MYCBP2: variants seen among roughly 807,000 people sequenced by gnomAD.
MYCBP2 encodes MYC binding protein 2, also known as E3 ubiquitin-protein ligase MYCBP2.
MYCBP2 carries 120 observed loss-of-function variants against 525.3 expected under a neutral mutation model. The ratio of observed to expected loss-of-function variants is 0.23; its 90% CI spans 0.20 to 0.27. The LOEUF is 0.27. MYCBP2 is among the 10% of genes least tolerant of loss of function. The pLI is 1.00. For missense variants in MYCBP2, 4,149 were observed against 5,657.1 expected, an observed-to-expected ratio of 0.73 and a Z score of 8.55; for synonymous variants, 1,894 against 1,955.8, an observed-to-expected ratio of 0.97 and a Z score of 0.83.
chr13:77,095,679 G>T, intron 57 of MYCBP2, 77 bp from the exon 58 acceptor site: 1 of 1,493,198 alleles, frequency 6.7e-7, no homozygotes, highest in Non-Finnish European at 9.0e-7. Context: ...AGTATTTTGA[G>T]TTTCCAATAA....
At chr13:77,128,162 T>C (rs761036521) in intron 52 of MYCBP2, among the ~76,000 whole-genome samples, 2 of 151,860 alleles carry the variant, frequency 1.3e-5, no homozygotes, top group African/African-American at 4.8e-5. Context: ...AAGATAAAAA[T>C]TGAGAGTAAC....
At chr13:77,075,949 G>A (rs2042219099) in intron 68 of MYCBP2, 1 of 152,178 alleles carries the variant, frequency 6.6e-6, no homozygotes. Flanking sequence ...CACAGGGTGA[G>A]ACAAGGGAAA....
chr13:77,304,423 A>C (rs2079149288), intron 1 of MYCBP2, among the ~76,000 whole-genome samples: 1 of 152,224 alleles, frequency 6.6e-6, no homozygotes, highest in Admixed American at 6.5e-5. Context: ...GGAAGCTAAA[A>C]AAGTTGATCT....
chr13:77,114,289 T>C (rs1484386803), intron 55 of MYCBP2, among the ~76,000 whole-genome samples: 1 of 152,134 alleles, frequency 6.6e-6, no homozygotes, highest in African/African-American at 2.4e-5. Context: ...AGAAGGACTT[T>C]TTCTATATTT....
At chr13:77,248,861 A>G (rs960912238) in intron 15 of MYCBP2, among the ~76,000 whole-genome samples, 4 of 152,236 alleles carry the variant, frequency 2.6e-5, no homozygotes, top group Non-Finnish European at 2.9e-5. Context: ...GGAAGCAACC[A>G]AAGTGTTCAT....
intron 1 of MYCBP2, among the ~76,000 whole-genome samples, chr13:77,320,775 G>C (rs1383625700): frequency 6.6e-6 from 1 of 152,058 alleles, no homozygotes; most frequent in Non-Finnish European, 1.5e-5. Flanking sequence ...CAATATTCTT[G>C]CTAAAAAATT....
At position 77,051,055 on chromosome 13, in the gene MYCBP2, A is replaced by G. The variant is rs1170223062; in HGVS notation, c.13863T>C (p.His4621=). The change falls in exon 82 of 83, where the codon CAT becomes CAC. Residue 4621 remains histidine (H), a synonymous_variant. Coordinates refer to ENST00000544440, the MANE Select transcript of MYCBP2 (RefSeq NM_015057.5). ...FGTTHFCNAC[H]DDFQRMTSIP... is the part of the protein sequence containing the mutation. Reference sequence around the variant, plus strand: ...TGCTAGTCATTCTTTGAAAATCATCATGACAAGCATTACAAAAATGTGTTG... The same window carrying G: ...TGCTAGTCATTCTTTGAAAATCATCGTGACAAGCATTACAAAAATGTGTTG... 3.7e-6 allele frequency: 6 copies of G among 1,613,704 alleles called. No individual in the cohort carries two copies. The highest frequency in any genetic ancestry group is 5.1e-6 in the Non-Finnish European group (6 of 1,179,904).
intron 1 of MYCBP2, among the ~76,000 whole-genome samples, chr13:77,305,419 T>A (rs1460363182): frequency 1.3e-5 from 2 of 152,018 alleles, no homozygotes; most frequent in Non-Finnish European, 2.9e-5. Context: ...TTATGCTAAG[T>A]GAAAGAAACA....
At chr13:77,053,057 G>A (rs2154057870) in intron 80 of MYCBP2, among the ~76,000 whole-genome samples, 1 of 152,038 alleles carries the variant, frequency 6.6e-6, no homozygotes, top group Middle Eastern at 3.4e-3. Context: ...AGGCTTGTTT[G>A]AGCCCAGGAG....
Position 77,185,889 on chromosome 13 carries a change from C to T in MYCBP2, c.4426G>A (p.Glu1476Lys). 6.3e-7 allele frequency: 1 copy of T among 1,586,034 alleles called. No homozygotes were observed. The highest frequency in any genetic ancestry group is 8.5e-7 in the Non-Finnish European group (1 of 1,170,830). The change falls in exon 31 of 83, where the codon GAA becomes AAA. Residue 1476 changes from glutamate to lysine, a missense_variant. Physicochemically the swap from Glu to Lys is moderately conservative, Grantham distance 56. Transcript: ENST00000544440. ...CLRLLRVYTC[E>K]IYPVSATGKA... ...ATCATACCTGACACTGGGTAAATTT[C>T]ACAGGTATAGACACGCAATAACCTC...
intron 47 of MYCBP2, among the ~76,000 whole-genome samples, chr13:77,150,130 T>A (rs1161469622): frequency 6.6e-6 from 1 of 152,140 alleles, no homozygotes; most frequent in Admixed American, 6.6e-5. Flanking sequence ...AAATATATAT[T>A]TTTTAAATGT....
At chr13:77,257,529 AT>A (rs376040303) in intron 14 of MYCBP2, 141 bp downstream of exon 14, 38 of 830,726 alleles carry the variant, frequency 4.6e-5, no homozygotes, top group African/African-American at 3.7e-4. Flanking sequence ...TACCCATAAA[AT>A]TTTTAAAAAA....
At chr13:77,213,699 A>C (rs954915998) in intron 21 of MYCBP2, among the ~76,000 whole-genome samples, 2 of 152,234 alleles carry the variant, frequency 1.3e-5, no homozygotes, top group African/African-American at 4.8e-5. Context: ...GCCACATTTA[A>C]ATTCATAAAA....
chr13:77,245,324 T>C (rs2069661983), intron 15 of MYCBP2, among the ~76,000 whole-genome samples: 1 of 152,156 alleles, frequency 6.6e-6, no homozygotes, highest in Non-Finnish European at 1.5e-5. Flanking sequence ...ATTTCATCAT[T>C]ATTCACAATA....
chr13:77,197,271 A>T (rs2061852527), intron 26 of MYCBP2, among the ~76,000 whole-genome samples: 1 of 152,196 alleles, frequency 6.6e-6, no homozygotes, highest in Non-Finnish European at 1.5e-5. Flanking sequence ...ATATGTACAG[A>T]GACTATCTAG....
chr13:77,271,880 G>C (rs2154345661), intron 5 of MYCBP2, among the ~76,000 whole-genome samples: 1 of 152,284 alleles, frequency 6.6e-6, no homozygotes, highest in African/African-American at 2.4e-5. Context: ...CAACAGTCAG[G>C]CCAGGAGAGT....
At chr13:77,298,446 T>A (rs577458523) in intron 1 of MYCBP2, among the ~76,000 whole-genome samples, 17 of 152,194 alleles carry the variant, frequency 1.1e-4, no homozygotes, top group Admixed American at 5.2e-4. Context: ...AAAGCTCCAA[T>A]AGTGCAGGGG....
At chr13:77,290,368 C>G (rs2077342847) in intron 2 of MYCBP2, among the ~76,000 whole-genome samples, 1 of 152,202 alleles carries the variant, frequency 6.6e-6, no homozygotes, top group Non-Finnish European at 1.5e-5. Context: ...TGGACATTTA[C>G]ACCAGAGAAA....
At chr13:77,105,185 G>A (rs1177257757) in intron 55 of MYCBP2, among the ~76,000 whole-genome samples, 1 of 152,062 alleles carries the variant, frequency 6.6e-6, no homozygotes, top group East Asian at 1.9e-4. Context: ...ATAGCAGGAA[G>A]ACACAGGAAT....
Sources: allele counts gnomAD v4.1 joint callset (sites outside exome capture counted in the v4.1 genomes callset), GRCh38; gene constraint gnomAD v4.1.1; transcripts MANE v1.5; gene names NCBI Gene and HGNC (gene_info 2026-07-23, HGNC 2026-07-21).